The following KLHL13 variants were observed in gnomAD, a reference collection of about 807,000 sequenced individuals.
KLHL13 encodes kelch like family member 13.
In KLHL13, 10 loss-of-function variants were observed where a neutral mutation model predicts 37.1. The observed-to-expected ratio is 0.27, with a 90% confidence interval of 0.17 to 0.46. The LOEUF (loss-of-function observed/expected upper bound fraction) is 0.46, where lower values mean the gene tolerates loss of function less well. KLHL13 is among the 20% of genes least tolerant of loss of function. The pLI is 1.00. For missense variants in KLHL13, 360 were observed against 509.3 expected, an observed-to-expected ratio of 0.71 and a Z score of 2.82; for synonymous variants, 163 against 181.2, an observed-to-expected ratio of 0.90 and a Z score of 0.81.
intron 1 of KLHL13, among the ~76,000 whole-genome samples, chrX:118,099,020 T>TA (rs1160274492): frequency 9.8e-6 from 1 of 102,085 alleles, no homozygotes; most frequent in Non-Finnish European, 2.0e-5. Flanking sequence ...AATGATGAGT[T>TA]AATGGGTGCA....
intron 1 of KLHL13, among the ~76,000 whole-genome samples, chrX:118,036,831 C>T (rs1223326119): frequency 1.8e-5 from 2 of 109,707 alleles, no homozygotes; most frequent in Non-Finnish European, 3.8e-5. Context: ...AGAAAATTTT[C>T]ACAACCTACT....
At chrX:117,902,038 A>C (rs1930129194) in intron 5 of KLHL13, 92 bp from the exon 7 acceptor site, 1 of 462,919 alleles carries the variant, frequency 2.2e-6, no homozygotes, top group Non-Finnish European at 3.8e-6. Context: ...ATAATATCCA[A>C]ACACTTGAAA....
At chrX:118,089,621 A>G (rs1164119383) in intron 1 of KLHL13, among the ~76,000 whole-genome samples, 1 of 11,671 alleles carries the variant, frequency 8.6e-5, no homozygotes, top group Admixed American at 8.5e-4. Context: ...AGAAAGAAAG[A>G]GAAAGAAAGA....
chrX:118,005,942 A>G (rs1033656908), intron 1 of KLHL13, among the ~76,000 whole-genome samples: 35 of 112,339 alleles, frequency 3.1e-4, no homozygotes, highest in African/African-American at 8.7e-4. Flanking sequence ...AGGAGAGTGA[A>G]GTGTAACTGA....
intron 5 of KLHL13, among the ~76,000 whole-genome samples, chrX:117,903,547 T>A (rs1930290379): frequency 9.0e-6 from 1 of 111,623 alleles, no homozygotes; most frequent in Non-Finnish European, 1.9e-5. Context: ...GGATGCCTTT[T>A]CAAATGTTCA....
At chrX:118,061,821 AT>A (rs918655519) in intron 1 of KLHL13, among the ~76,000 whole-genome samples, 1 of 111,653 alleles carries the variant, frequency 9.0e-6, no homozygotes, top group Non-Finnish European at 1.9e-5. Flanking sequence ...TGAAGAGCAA[AT>A]TTTTTAAAAG....
chrX:118,002,467 C>T (rs1188850997), intron 1 of KLHL13, among the ~76,000 whole-genome samples: 2 of 109,315 alleles, frequency 1.8e-5, no homozygotes, highest in African/African-American at 3.3e-5. Context: ...GTGCTGCATG[C>T]CTGTAATTCC....
At chrX:117,950,638 G>T (rs7877591) in intron 1 of KLHL13, among the ~76,000 whole-genome samples, 2,957 of 111,772 alleles carry the variant, frequency 0.026, 96 homozygotes, top group African/African-American at 0.091. Context: ...AAACAAGAAA[G>T]CTATGAATGG....
intron 2 of KLHL13, among the ~76,000 whole-genome samples, chrX:117,934,094 ATGG>A (rs1932640025): frequency 1.8e-5 from 2 of 110,802 alleles, no homozygotes; most frequent in South Asian, 7.7e-4. Flanking sequence ...TTGGGTACAC[ATGG>A]ACACAAAAAT....
At chrX:117,927,007 G>A (rs949037192) in intron 2 of KLHL13, among the ~76,000 whole-genome samples, 2 of 97,799 alleles carry the variant, frequency 2.0e-5, no homozygotes, top group Non-Finnish European at 4.0e-5. Context: ...CCAGGTTCAC[G>A]CCCTTCTCCT....
intron 1 of KLHL13, among the ~76,000 whole-genome samples, chrX:118,101,910 C>G (rs2055293302): frequency 8.9e-6 from 1 of 112,092 alleles, no homozygotes; most frequent in African/African-American, 3.2e-5. Context: ...GGCCTCCCCT[C>G]AAAACTATGA....
chrX:117,921,178 T>A (rs957046770), intron 2 of KLHL13, among the ~76,000 whole-genome samples: 2 of 111,881 alleles, frequency 1.8e-5, no homozygotes, highest in Admixed American at 9.5e-5. Context: ...TGATATAAGT[T>A]GGAAGAATGA....
chrX:118,096,140 G>C (rs2055203149), intron 1 of KLHL13, among the ~76,000 whole-genome samples: 1 of 111,572 alleles, frequency 9.0e-6, no homozygotes, highest in Admixed American at 9.5e-5. Flanking sequence ...GAATCCAGGA[G>C]CTGGTTTTTT....
chrX:118,074,163 T>C (rs1281272020), intron 1 of KLHL13, among the ~76,000 whole-genome samples: 3 of 111,529 alleles, frequency 2.7e-5, no homozygotes, highest in Non-Finnish European at 5.7e-5. Flanking sequence ...TTCTTAGGAG[T>C]CTCCTTGGTG....
intron 1 of KLHL13, among the ~76,000 whole-genome samples, chrX:118,076,693 A>G (rs936875508): frequency 1.8e-5 from 2 of 111,389 alleles, no homozygotes; most frequent in African/African-American, 3.3e-5. Flanking sequence ...TCATCCAATC[A>G]TTTGAAGGCC....
chrX:118,056,185 A>G (rs1216752830), intron 1 of KLHL13, among the ~76,000 whole-genome samples: 1 of 112,199 alleles, frequency 8.9e-6, no homozygotes, highest in Non-Finnish European at 1.9e-5. Flanking sequence ...GCAATAAACA[A>G]TCTGAAAACG....
chrX:117,951,944 G>A (rs191301513), intron 1 of KLHL13, among the ~76,000 whole-genome samples: 94 of 112,016 alleles, frequency 8.4e-4, no homozygotes, highest in Middle Eastern at 4.6e-3. Context: ...TTCATGGGTA[G>A]GAAGAAACAA....
chrX:117,968,050 T>A (rs1219541996), intron 1 of KLHL13, among the ~76,000 whole-genome samples: 5 of 112,425 alleles, frequency 4.4e-5, no homozygotes, highest in Non-Finnish European at 7.5e-5. Context: ...TCAAATGTAG[T>A]GTCTTACATA....
At chrX:118,052,001 G>A (rs972517822) in intron 1 of KLHL13, among the ~76,000 whole-genome samples, 1 of 111,089 alleles carries the variant, frequency 9.0e-6, no homozygotes, top group African/African-American at 3.3e-5. Context: ...ACTAGTGTGG[G>A]AACAGACAGA....
Sources: gnomAD v4.1 joint callset for allele counts (sites outside exome capture counted in the v4.1 genomes callset) on GRCh38, gnomAD v4.1.1 for gene constraint, MANE v1.5 for transcripts, NCBI Gene and HGNC (gene_info 2026-07-23, HGNC 2026-07-21) for gene names.